PKIG: variants seen among roughly 807,000 people sequenced by gnomAD.
PKIG encodes protein kinase (cAMP-dependent, catalytic) inhibitor gamma.
A neutral mutation model predicts 6.8 loss-of-function variants in PKIG; 1 was observed. That is an observed-to-expected ratio of 0.15 (90% CI 0.05 to 0.69). PKIG has a LOEUF of 0.69. Ranked by LOEUF, PKIG falls within the 30% of genes least tolerant of loss-of-function variation. The pLI is 0.82. For missense variants in PKIG, 77 were observed against 104.0 expected (o/e 0.74, Z 1.13); for synonymous variants, 39 against 43.0 (o/e 0.91, Z 0.36).
intron 1 of PKIG, among the ~76,000 whole-genome samples, chr20:44,557,839 A>AT (rs1209028890): frequency 6.6e-6 from 1 of 151,674 alleles, no homozygotes; most frequent in African/African-American, 2.4e-5. Context: ...ATAAAAAATA[A>AT]TAAAAAAAAA....
At chr20:44,556,758 T>C (rs781580424) in intron 1 of PKIG, among the ~76,000 whole-genome samples, 14 of 152,176 alleles carry the variant, frequency 9.2e-5, no homozygotes, top group Non-Finnish European at 2.1e-4. Context: ...AGAGGGTTGA[T>C]AGATATTTGT....
chr20:44,577,558 A>G (rs1337785399), intron 1 of PKIG, among the ~76,000 whole-genome samples: 2 of 152,118 alleles, frequency 1.3e-5, no homozygotes, highest in African/African-American at 2.4e-5. Context: ...TCTTTTTACA[A>G]TAAGCAATTA....
At chr20:44,572,946 G>T (rs1483343113) in intron 1 of PKIG, among the ~76,000 whole-genome samples, 2 of 152,226 alleles carry the variant, frequency 1.3e-5, no homozygotes, top group Non-Finnish European at 2.9e-5. Flanking sequence ...CTGATGAGTA[G>T]CGCTGATCTA....
At chr20:44,556,328 G>A (rs531525674) in intron 1 of PKIG, among the ~76,000 whole-genome samples, 4 of 152,128 alleles carry the variant, frequency 2.6e-5, no homozygotes, top group African/African-American at 4.8e-5. Context: ...AGCCATAATA[G>A]TGTCTTTTGG....
At chr20:44,546,671 G>GC (rs1351626305) in intron 1 of PKIG, among the ~76,000 whole-genome samples, 4 of 151,120 alleles carry the variant, frequency 2.6e-5, no homozygotes, top group African/African-American at 9.8e-5. Flanking sequence ...TCCTGCCTCA[G>GC]CCCCCCGGGT....
intron 1 of PKIG, among the ~76,000 whole-genome samples, chr20:44,552,864 A>T (rs1876598554): frequency 1.3e-5 from 2 of 152,070 alleles, no homozygotes; most frequent in Admixed American, 6.5e-5. Context: ...ATGCTTACTT[A>T]GTCTGGGGGC....
chr20:44,599,707 C>A (rs1183658973), intron 2 of PKIG, among the ~76,000 whole-genome samples: 1 of 152,014 alleles, frequency 6.6e-6, no homozygotes, highest in Admixed American at 6.6e-5. Context: ...AGTCACAGAG[C>A]GAGATTCTGT....
At chr20:44,537,328 C>G (rs1393004742) in intron 1 of PKIG, among the ~76,000 whole-genome samples, 2 of 152,108 alleles carry the variant, frequency 1.3e-5, no homozygotes, top group African/African-American at 4.8e-5. Flanking sequence ...GTCTTGAACT[C>G]CCAACCTCAG....
chr20:44,554,566 A>G (rs757049142), intron 1 of PKIG, among the ~76,000 whole-genome samples: 3 of 152,112 alleles, frequency 2.0e-5, no homozygotes, highest in Non-Finnish European at 2.9e-5. Flanking sequence ...GAACTGGGAC[A>G]AGGGTGAGGG....
intron 2 of PKIG, among the ~76,000 whole-genome samples, chr20:44,610,954 C>T (rs762267279): frequency 7.9e-5 from 12 of 151,756 alleles, no homozygotes; most frequent in Admixed American, 3.9e-4. Flanking sequence ...GTATAATAAT[C>T]AGATCAGGGC....
At chr20:44,540,083 C>T (rs1057102686) in intron 1 of PKIG, among the ~76,000 whole-genome samples, 4 of 152,140 alleles carry the variant, frequency 2.6e-5, no homozygotes, top group Non-Finnish European at 5.9e-5. Context: ...GCCTCAGCCT[C>T]CTGAGTAGCT....
At chr20:44,566,556 C>T (rs1222307219) in intron 1 of PKIG, among the ~76,000 whole-genome samples, 1 of 152,120 alleles carries the variant, frequency 6.6e-6, no homozygotes, top group Non-Finnish European at 1.5e-5. Flanking sequence ...GAAAAGTATG[C>T]TAGTCCCAGC....
At chr20:44,607,375 ATATTTT>A (rs1312325985) in intron 2 of PKIG, among the ~76,000 whole-genome samples, 7 of 106,250 alleles carry the variant, frequency 6.6e-5, no homozygotes, top group South Asian at 2.8e-4. Context: ...ATATATATAT[ATATTTT>A]TTTTTTTTTT....
chr20:44,540,310 A>G (rs2064549824), intron 1 of PKIG, among the ~76,000 whole-genome samples: 1 of 152,156 alleles, frequency 6.6e-6, no homozygotes, highest in African/African-American at 2.4e-5. Flanking sequence ...CAAGTTTCCC[A>G]GTCAAGGATT....
chr20:44,541,468 T>C (rs544847864), intron 1 of PKIG, among the ~76,000 whole-genome samples: 6 of 152,178 alleles, frequency 3.9e-5, no homozygotes, highest in South Asian at 2.1e-4. Flanking sequence ...TTAAAATTTT[T>C]TGTGGATACG....
chr20:44,571,005 G>A (rs750590800), intron 1 of PKIG, among the ~76,000 whole-genome samples: 4 of 152,080 alleles, frequency 2.6e-5, no homozygotes, highest in Non-Finnish European at 5.9e-5. Flanking sequence ...AGGCCGAGGC[G>A]AGTGGATCAC....
chr20:44,531,891 C>CTGCGGGT (rs1312104057), upstream of PKIG: 6 of 152,502 alleles, frequency 3.9e-5, no homozygotes, highest in African/African-American at 9.6e-5. Flanking sequence ...ACGGGCTCCG[C>CTGCGGGT]TGCGGGTTGC....
chr20:44,569,317 C>A (rs1376238486), intron 1 of PKIG, among the ~76,000 whole-genome samples: 1 of 152,110 alleles, frequency 6.6e-6, no homozygotes, highest in Non-Finnish European at 1.5e-5. Context: ...TTATTCAGTC[C>A]ATTATTATTT....
chr20:44,534,049 A>G (rs534072952), intron 1 of PKIG, among the ~76,000 whole-genome samples: 2 of 152,300 alleles, frequency 1.3e-5, no homozygotes, highest in East Asian at 3.9e-4. Flanking sequence ...TGAGAAAGAC[A>G]AAGTGTAGGC....
Sources: allele counts gnomAD v4.1 joint callset (sites outside exome capture counted in the v4.1 genomes callset), GRCh38; gene constraint gnomAD v4.1.1; transcripts MANE v1.5; gene names NCBI Gene and HGNC (gene_info 2026-07-23, HGNC 2026-07-21).